The following TXNDC11 variants were observed in gnomAD, a reference collection of about 807,000 sequenced individuals.
The protein encoded by TXNDC11 is thioredoxin domain-containing protein 11.
Under a neutral mutation model 78.0 loss-of-function variants are expected in TXNDC11, and 68 were observed. The observed-to-expected ratio is 0.87, with a 90% CI of 0.72 to 1.07. TXNDC11 has a LOEUF of 1.07. Ranked by LOEUF, TXNDC11 falls within the 50% of genes least tolerant of loss-of-function variation. TXNDC11 has a pLI of 0.00. For missense variants in TXNDC11, 1,389 were observed against 1,221.8 expected (o/e 1.14, Z -2.04); for synonymous variants, 571 against 495.2 (o/e 1.15, Z -2.03).
intron 2 of TXNDC11, 90 bp downstream of exon 2, chr16:11,735,927 G>A: frequency 7.7e-7 from 1 of 1,290,510 alleles, no homozygotes; most frequent in African/African-American, 1.5e-5. Flanking sequence ...GGCAAAGTCT[G>A]CCCGTTGGGC....
Position 11,742,796 on chromosome 16 carries a change from C to T in TXNDC11, c.-66G>A, listed in dbSNP as rs1033281737. 29 of 1,390,708 alleles carry T rather than the reference C, an allele frequency of 2.1e-5. No homozygotes were observed. The highest frequency in any genetic ancestry group is 2.2e-5 in the Non-Finnish European group (24 of 1,077,942). 86.1% of individuals were successfully genotyped at this position (1,390,708 alleles called of 1,614,324 possible). A position where few individuals can be genotyped will look rare whatever the true frequency, so the allele number is the denominator to read the frequency against. ...CTCGGGCCCGAAGGCCCGGCCCGGC[C>T]CGTTGCTCCCCAATCCCGCAGCTCG... On this transcript the variant is annotated 5_prime_UTR_variant, in exon 1 of 12. Transcript: ENST00000283033.
rs2051217260 is a variant in TXNDC11, at chr16:11,707,474, A to T, written c.794-6910T>A. Among the ~76,000 whole-genome samples the T allele has an allele frequency of 2.0e-5, 3 of 151,178 alleles. No individual in the cohort carries two copies. The South Asian group carries it at 6.3e-4, about 32-fold the overall frequency. ...TCCCAATTTTTTTTTTTAAAGACAG[A>T]GTCTCACTTTGTCACCCAGCCTGCA... On this transcript the variant is annotated intron_variant, in intron 5 of 11. Coordinates refer to ENST00000283033, the MANE Select transcript of TXNDC11 (RefSeq NM_015914.7).
chr16:11,712,164 A>G (rs1341145519), intron 5 of TXNDC11, among the ~76,000 whole-genome samples: 1 of 152,206 alleles, frequency 6.6e-6, no homozygotes, highest in Non-Finnish European at 1.5e-5. Flanking sequence ...AAAGGGTAGA[A>G]AATATCACTA....
chr16:11,688,378 A>T lies in TXNDC11; in HGVS notation c.1968T>A (p.Ser656=), dbSNP rs762632855. The change falls in exon 9 of 12, where the codon TCT becomes TCA. Residue 656 remains serine, a synonymous_variant. Coordinates refer to ENST00000283033, the MANE Select transcript of TXNDC11 (RefSeq NM_015914.7). ...TTAAATGCTGAGACGGGAACTGGGCAGAGCCACTTCCAATGAGATGCCTTT... is the reference window on the plus strand; with the variant it reads ...TTAAATGCTGAGACGGGAACTGGGCTGAGCCACTTCCAATGAGATGCCTTT... ...PLKRHLIGSG[S]AQFPSQHLIT... is the part of the protein sequence containing the mutation. 6.2e-7 allele frequency: 1 copy of T among 1,613,910 alleles called. No homozygotes were observed. Among genetic ancestry groups the T allele is most frequent in the African/African-American group, 1.3e-5 (1 of 74,932 alleles).
intron 5 of TXNDC11, among the ~76,000 whole-genome samples, chr16:11,701,669 C>T (rs2051030291): frequency 6.6e-6 from 1 of 152,024 alleles, no homozygotes. Context: ...TGGAAATAAA[C>T]TCAACCTCAC....
At chr16:11,738,935 G>A (rs941142476) in intron 1 of TXNDC11, among the ~76,000 whole-genome samples, 2 of 152,124 alleles carry the variant, frequency 1.3e-5, no homozygotes, top group Admixed American at 6.5e-5. Flanking sequence ...GCTGAGGCAG[G>A]AGAATCGCTT....
At chr16:11,696,975 G>A (rs2050876691) in intron 7 of TXNDC11, among the ~76,000 whole-genome samples, 1 of 152,084 alleles carries the variant, frequency 6.6e-6, no homozygotes, top group African/African-American at 2.4e-5. Flanking sequence ...TTCCTACAAT[G>A]AGCTTTAAGG....
At chr16:11,720,476 C>T (rs1162326576) in intron 5 of TXNDC11, among the ~76,000 whole-genome samples, 25 of 139,228 alleles carry the variant, frequency 1.8e-4, no homozygotes, top group Admixed American at 1.8e-3. Context: ...AGTGCAATGG[C>T]GTGATCTTGG....
At chr16:11,709,193 TCA>T (rs1161572033) in intron 5 of TXNDC11, among the ~76,000 whole-genome samples, 1 of 151,748 alleles carries the variant, frequency 6.6e-6, no homozygotes, top group Admixed American at 6.6e-5. Context: ...CATTTGGACA[TCA>T]CAGATACATT....
chr16:11,699,388 A>G (rs1051257668), intron 6 of TXNDC11, among the ~76,000 whole-genome samples: 3 of 152,246 alleles, frequency 2.0e-5, no homozygotes, highest in Non-Finnish European at 4.4e-5. Context: ...GGAAAATGAC[A>G]GATAGCAAAA....
At chr16:11,708,316 C>G (rs1166944680) in intron 5 of TXNDC11, among the ~76,000 whole-genome samples, 3 of 152,122 alleles carry the variant, frequency 2.0e-5, no homozygotes, top group South Asian at 4.1e-4. Flanking sequence ...ATCCATCCAA[C>G]AGCAAAGAAT....
intron 4 of TXNDC11, among the ~76,000 whole-genome samples, chr16:11,726,579 C>CAA (rs35512803): frequency 7.7e-4 from 64 of 82,924 alleles, no homozygotes; most frequent in Non-Finnish European, 1.0e-3. Flanking sequence ...GACTCCACCT[C>CAA]AAAAAAAAAA....
intron 3 of TXNDC11, among the ~76,000 whole-genome samples, chr16:11,731,167 G>A (rs1470629259): frequency 1.3e-5 from 2 of 152,122 alleles, no homozygotes; most frequent in South Asian, 2.1e-4. Flanking sequence ...ACAATTCAAC[G>A]CAGGCGGGCA....
chr16:11,680,426 C>T (rs1312144353), intron 11 of TXNDC11, among the ~76,000 whole-genome samples: 1 of 152,210 alleles, frequency 6.6e-6, no homozygotes, highest in East Asian at 1.9e-4. Flanking sequence ...TGGCAAACAG[C>T]CCAACCAAAG....
At chr16:11,709,887 T>C (rs975576686) in intron 5 of TXNDC11, among the ~76,000 whole-genome samples, 3 of 152,226 alleles carry the variant, frequency 2.0e-5, no homozygotes, top group Non-Finnish European at 4.4e-5. Context: ...ACACCAATTG[T>C]TCTCATTTAG....
rs1206938243 is a variant in TXNDC11 at position 11,698,156 on chromosome 16, G to C, written c.1076C>G (p.Pro359Arg). The C allele has an allele frequency of 6.2e-7, 1 of 1,614,188 alleles. No homozygotes were observed. Among genetic ancestry groups the C allele is most frequent in the South Asian group, 1.1e-5 (1 of 91,084 alleles). ...TATTAAAGGATGACTTTCGGCCAGG[G>C]GATTAAAAGGTATGAACAGAAACAG... is the stretch of plus-strand genomic sequence containing the variant. ...PALFLFIPFN[P>R]LAESHPLIDE... Residue 359 changes from proline to arginine, a missense_variant, in exon 7 of 12, where the codon CCC (proline) becomes CGC (arginine). Coordinates refer to ENST00000283033, the MANE Select transcript of TXNDC11 (RefSeq NM_015914.7).
intron 4 of TXNDC11, among the ~76,000 whole-genome samples, chr16:11,729,928 T>C (rs2051995073): frequency 6.6e-6 from 1 of 151,978 alleles, no homozygotes; most frequent in Non-Finnish European, 1.5e-5. Flanking sequence ...AAACCCTCTT[T>C]AGTGAAAAAT....
intron 5 of TXNDC11, 102 bp downstream of exon 5, chr16:11,721,475 G>C: frequency 1.6e-6 from 1 of 641,092 alleles, no homozygotes; most frequent in Non-Finnish European, 2.6e-6. Flanking sequence ...GTTGAGAAAA[G>C]GAATCAAGCA....
intron 3 of TXNDC11, among the ~76,000 whole-genome samples, chr16:11,731,589 G>A (rs907299500): frequency 1.3e-5 from 2 of 152,062 alleles, no homozygotes; most frequent in Non-Finnish European, 2.9e-5. Flanking sequence ...TCTCTAAACA[G>A]AAATTGACAT....
Sources: gnomAD v4.1 joint callset for allele counts (sites outside exome capture counted in the v4.1 genomes callset) on GRCh38, gnomAD v4.1.1 for gene constraint, MANE v1.5 for transcripts, NCBI Gene and HGNC (gene_info 2026-07-23, HGNC 2026-07-21) for gene names.